The following AGMO variants were observed in gnomAD, a reference collection of about 807,000 sequenced individuals.
AGMO encodes alkylglycerol monooxygenase, also known as glyceryl-ether monooxygenase.
A neutral mutation model predicts 60.2 loss-of-function variants in AGMO; 75 were observed. That is an observed-to-expected ratio of 1.25 (90% CI 1.03 to 1.51). AGMO has a LOEUF of 1.51. Among genes scored for constraint, AGMO ranks in the 40% most tolerant of loss-of-function variants. The pLI is 0.00. For synonymous variants in AGMO, 261 were observed against 177.1 expected (o/e 1.47, Z -3.76); for missense variants, 763 against 525.5 (o/e 1.45, Z -4.42).
intron 3 of AGMO, among the ~76,000 whole-genome samples, chr7:15,499,146 C>T (rs1371777753): frequency 1.3e-5 from 2 of 151,760 alleles, no homozygotes; most frequent in Non-Finnish European, 2.9e-5. Context: ...ATAAAAACTC[C>T]GATACAGCAC....
intron 12 of AGMO, among the ~76,000 whole-genome samples, chr7:15,266,620 T>C (rs1047254331): frequency 2.0e-5 from 3 of 151,978 alleles, no homozygotes; most frequent in Non-Finnish European, 4.4e-5. Context: ...ATCAGAAAAG[T>C]ATCCTAGTAA....
intron 12 of AGMO, among the ~76,000 whole-genome samples, chr7:15,313,739 T>C (rs1780833409): frequency 6.6e-6 from 1 of 152,158 alleles, no homozygotes; most frequent in Non-Finnish European, 1.5e-5. Flanking sequence ...ATATATATAC[T>C]ATATTTTTCC....
chr7:15,317,907 GTATA>G (rs538387774), intron 12 of AGMO, among the ~76,000 whole-genome samples: 9 of 120,640 alleles, frequency 7.5e-5, no homozygotes, highest in African/African-American at 1.8e-4. Context: ...ACACACACAC[GTATA>G]TATATATACA....
intron 10 of AGMO, among the ~76,000 whole-genome samples, chr7:15,379,970 TG>T (rs1228359181): frequency 6.6e-6 from 1 of 152,086 alleles, no homozygotes; most frequent in East Asian, 1.9e-4. Context: ...CCTTTCATAT[TG>T]CTCATTTTCA....
chr7:15,449,747 C>G (rs1399022319), intron 3 of AGMO, among the ~76,000 whole-genome samples: 1 of 152,128 alleles, frequency 6.6e-6, no homozygotes, highest in Non-Finnish European at 1.5e-5. Flanking sequence ...GATATTAAAC[C>G]AGCAGACGTT....
At chr7:15,339,059 T>C (rs1044426756) in intron 12 of AGMO, among the ~76,000 whole-genome samples, 1 of 152,172 alleles carries the variant, frequency 6.6e-6, no homozygotes, top group East Asian at 1.9e-4. Context: ...CAGGTTACTG[T>C]AGTAGCGGAA....
At chr7:15,307,559 A>G (rs1321310998) in intron 12 of AGMO, among the ~76,000 whole-genome samples, 1 of 151,994 alleles carries the variant, frequency 6.6e-6, no homozygotes, top group Non-Finnish European at 1.5e-5. Flanking sequence ...TAAGAAGGAC[A>G]CTATAATTAC....
At chr7:15,561,647 C>G in intron 1 of AGMO, 73 bp downstream of exon 1, 2 of 1,386,598 alleles carry the variant, frequency 1.4e-6, no homozygotes. Flanking sequence ...GAACAAAACC[C>G]TAAGGAGATT....
At chr7:15,302,696 A>C (rs967133918) in intron 12 of AGMO, among the ~76,000 whole-genome samples, 13 of 152,136 alleles carry the variant, frequency 8.5e-5, no homozygotes, top group African/African-American at 3.1e-4. Flanking sequence ...TTTTCACTAG[A>C]CTGTAAACTC....
intron 12 of AGMO, among the ~76,000 whole-genome samples, chr7:15,204,175 A>G (rs1019927336): frequency 3.9e-5 from 6 of 152,140 alleles, no homozygotes. Flanking sequence ...ATTACATACA[A>G]TGTATAGATT....
chr7:15,276,864 C>G (rs1181826507), intron 12 of AGMO, among the ~76,000 whole-genome samples: 3 of 142,754 alleles, frequency 2.1e-5, no homozygotes, highest in Non-Finnish European at 4.5e-5. Flanking sequence ...GTGAATTTTT[C>G]ATTTCCAGAA....
At chr7:15,136,824 C>T in the AGMO span, among the ~76,000 whole-genome samples, 1 of 151,948 alleles carries the variant, frequency 6.6e-6, no homozygotes, top group Admixed American at 6.6e-5. Flanking sequence ...TATCTCTTGT[C>T]AAGTTTTCCC....
chr7:15,466,999 T>C (rs2128510778), intron 3 of AGMO, among the ~76,000 whole-genome samples: 1 of 152,214 alleles, frequency 6.6e-6, no homozygotes, highest in Admixed American at 6.5e-5. Context: ...AATAAAACAG[T>C]ATTTAGTAGA....
At chr7:15,245,129 C>G (rs1286751178) in intron 12 of AGMO, among the ~76,000 whole-genome samples, 3 of 152,150 alleles carry the variant, frequency 2.0e-5, no homozygotes, top group Non-Finnish European at 4.4e-5. Context: ...CCTTGAAGTT[C>G]CAGTACCCTA....
intron 3 of AGMO, among the ~76,000 whole-genome samples, chr7:15,537,767 A>G (rs901363111): frequency 2.0e-5 from 3 of 152,238 alleles, no homozygotes; most frequent in Middle Eastern, 3.4e-3. Context: ...TTATCTACAT[A>G]TGGAATCTCA....
At chr7:15,139,820 C>CAAAAAA in the AGMO span, among the ~76,000 whole-genome samples, 33 of 66,282 alleles carry the variant, frequency 5.0e-4, no homozygotes, top group African/African-American at 9.4e-4. Flanking sequence ...TCTCAAAAGA[C>CAAAAAA]AAAAAAAAAA....
chr7:15,544,322 C>T (rs910728971), intron 3 of AGMO, among the ~76,000 whole-genome samples: 3 of 152,022 alleles, frequency 2.0e-5, no homozygotes, highest in African/African-American at 7.2e-5. Flanking sequence ...AACTGAAGAA[C>T]TTATTCATGT....
intron 10 of AGMO, among the ~76,000 whole-genome samples, chr7:15,373,289 A>C (rs1008774961): frequency 6.6e-6 from 1 of 152,010 alleles, no homozygotes; most frequent in African/African-American, 2.4e-5. Flanking sequence ...AAAAAAAAAA[A>C]AATTATTTGG....
chr7:15,425,940 T>G (rs559176941), intron 4 of AGMO, among the ~76,000 whole-genome samples: 93 of 152,328 alleles, frequency 6.1e-4, no homozygotes, highest in African/African-American at 2.2e-3. Context: ...CATTTGTCAT[T>G]AATTTATTAT....
Sources: allele counts gnomAD v4.1 joint callset (sites outside exome capture counted in the v4.1 genomes callset), GRCh38; gene constraint gnomAD v4.1.1; transcripts MANE v1.5; gene names NCBI Gene and HGNC (gene_info 2026-07-23, HGNC 2026-07-21).